Variants in HECTD4 observed in about 807,000 individuals in gnomAD.
HECTD4 encodes the protein probable E3 ubiquitin-protein ligase HECTD4.
Under a neutral mutation model 471.5 loss-of-function variants are expected in HECTD4, and 114 were observed. The observed-to-expected ratio is 0.24, with a 90% CI of 0.21 to 0.28. The LOEUF (loss-of-function observed/expected upper bound fraction) is 0.28, where lower values mean the gene tolerates loss of function less well. Among genes scored for constraint, HECTD4 ranks in the 10% least tolerant of loss-of-function variants. The pLI, the probability that HECTD4 is intolerant of heterozygous loss-of-function variation, is 1.00. For synonymous variants in HECTD4, 2,012 were observed against 2,256.0 expected (o/e 0.89, Z 3.07); for missense variants, 3,866 against 5,651.5 (o/e 0.68, Z 10.13).
At chr12:112,307,050 C>G (rs963031894) in intron 6 of HECTD4, among the ~76,000 whole-genome samples, 1 of 151,968 alleles carries the variant, frequency 6.6e-6, no homozygotes, top group Non-Finnish European at 1.5e-5. Context: ...ACCACAAAAA[C>G]CTGCTGGCTA....
chr12:112,370,654 A>C (rs548163049), intron 1 of HECTD4, among the ~76,000 whole-genome samples: 1 of 152,344 alleles, frequency 6.6e-6, no homozygotes, highest in East Asian at 1.9e-4. Context: ...ATACACGAAA[A>C]AATTTTCACT....
chr12:112,243,866 C>T lies in HECTD4; in HGVS notation c.4649+8G>A, dbSNP rs1437251507. 1 of 1,613,304 alleles carries T rather than the reference C, an allele frequency of 6.2e-7. No homozygotes were observed. The highest frequency in any genetic ancestry group is 8.5e-7 in the Non-Finnish European group (1 of 1,179,334). ...GTGGGAACCCAACCCCGGCCATTAG[C>T]CATTTACCTCTGATTTGCTCTAGTA... On this transcript the variant is annotated splice_region_variant and intron_variant, in intron 30 of 75. Coordinates refer to ENST00000682272, the MANE Select transcript of HECTD4 (RefSeq NM_001388303.1). This position sits in a 1 kb window ranked among gnomAD's most constrained non-coding sequence, Gnocchi z 6.6.
rs1465850596 is a variant in HECTD4, at chr12:112,173,626, C to T, written c.11595-765G>A. On this transcript the variant is annotated intron_variant, in intron 66 of 75. Coordinates refer to ENST00000682272, the MANE Select transcript of HECTD4 (RefSeq NM_001388303.1). This position sits in a 1 kb window ranked among gnomAD's most constrained non-coding sequence, Gnocchi z 4.3. ...AGCCAGGATGGTCTCAATCTCCTGACCTTGTGATCCGCCCGCCTCAGCCTC... is the reference window on the plus strand; with the variant it reads ...AGCCAGGATGGTCTCAATCTCCTGATCTTGTGATCCGCCCGCCTCAGCCTC... 1.3e-5 allele frequency among the ~76,000 whole-genome samples: 2 copies of T among 151,860 alleles called. No homozygotes were observed. The highest frequency in any genetic ancestry group is 4.8e-5 in the African/African-American group (2 of 41,344).
intron 21 of HECTD4, among the ~76,000 whole-genome samples, chr12:112,255,889 T>C (rs906037325): frequency 6.6e-6 from 1 of 152,144 alleles, no homozygotes; most frequent in African/African-American, 2.4e-5. Context: ...CTAGCACCTC[T>C]GAAACCCTTC....
At position 112,194,517 on chromosome 12, in the gene HECTD4, A is replaced by G. The variant is rs781728492; in HGVS notation, c.8749+368T>C. On this transcript the variant is annotated intron_variant, in intron 56 of 75. Transcript: ENST00000682272. This position sits in a 1 kb window ranked among gnomAD's most constrained non-coding sequence, Gnocchi z 4.6. The stretch of plus-strand genomic sequence containing the variant: ...CCTCAGCAGAACTTATGATGAACCA[A>G]ATAGGTCTGCTTTGGAGGACGCTGA... Among the ~76,000 whole-genome samples, 48 of 152,182 alleles carry G rather than the reference A, an allele frequency of 3.2e-4. No homozygotes were observed. The highest frequency in any genetic ancestry group is 5.9e-4 in the Non-Finnish European group (40 of 68,024).
intron 9 of HECTD4, among the ~76,000 whole-genome samples, chr12:112,277,423 G>A (rs896557813): frequency 2.6e-5 from 4 of 152,094 alleles, no homozygotes; most frequent in Admixed American, 1.3e-4. Flanking sequence ...CCAGCAATGC[G>A]CAACTGATGG....
At chr12:112,371,886 C>CAAAAAAAAAA (rs535844706) in intron 1 of HECTD4, among the ~76,000 whole-genome samples, 2 of 57,250 alleles carry the variant, frequency 3.5e-5, no homozygotes, top group Admixed American at 2.0e-4. Context: ...AACTCTGTCT[C>CAAAAAAAAAA]AAAAAAAAAA....
chr12:112,304,490 A>G (rs1296946733), intron 7 of HECTD4, among the ~76,000 whole-genome samples: 1 of 152,022 alleles, frequency 6.6e-6, no homozygotes, highest in Non-Finnish European at 1.5e-5. Flanking sequence ...CTGACAGAGC[A>G]GGAGCACCGT....
rs2036891809 is a variant in HECTD4 at position 112,381,638 on chromosome 12, G to C, written c.177+314C>G. On this transcript the variant is annotated intron_variant, in intron 1 of 75. Coordinates refer to ENST00000682272, the MANE Select transcript of HECTD4 (RefSeq NM_001388303.1). The surrounding 1 kb of genome is among the most constrained non-coding windows in gnomAD (Gnocchi z 4.1). ...GGGGAGGGAGGGCCCGGGTGGTGGC[G>C]GTGGCTCCTCTGGGGCATGAAGGCC... Among the ~76,000 whole-genome samples the C allele has an allele frequency of 1.3e-5, 2 of 152,142 alleles. No homozygotes were observed. Among genetic ancestry groups the C allele is most frequent in the Non-Finnish European group, 2.9e-5 (2 of 68,024 alleles).
chr12:112,332,740 A>G (rs2035866012), intron 1 of HECTD4, among the ~76,000 whole-genome samples: 1 of 151,924 alleles, frequency 6.6e-6, no homozygotes, highest in Non-Finnish European at 1.5e-5. Context: ...CACCTAAAAT[A>G]TAATTCAATG....
chr12:112,367,820 CAAAAAAAAA>C (rs59590181), intron 1 of HECTD4, among the ~76,000 whole-genome samples: 31 of 12,574 alleles, frequency 2.5e-3, no homozygotes, highest in African/African-American at 5.6e-3. Flanking sequence ...GACTCCATCT[CAAAAAAAAA>C]AAAAAAAAAA....
chr12:112,335,500 G>A (rs2035938298), intron 1 of HECTD4, among the ~76,000 whole-genome samples: 1 of 152,120 alleles, frequency 6.6e-6, no homozygotes, highest in Non-Finnish European at 1.5e-5. Context: ...AGACCAGCCT[G>A]GCCAACATGG....
chr12:112,175,753 G>A lies in HECTD4; in HGVS notation c.11577C>T (p.Tyr3859=), dbSNP rs543069059. Residue 3859 remains tyrosine (Y), a synonymous_variant, in exon 66 of 76, where the codon TAC becomes TAT. Transcript: ENST00000682272. ...CCTCTTACCTCTCAAAGTGAAGATC[G>A]TAACCACAGGACAAGATCGCCCTCC... The part of the protein sequence containing the change: ...SVWRAILSCG[Y]DLHFERCACI... 174 of 1,612,470 alleles carry A rather than the reference G, an allele frequency of 1.1e-4. 1 individual carries two copies. The highest frequency in any genetic ancestry group is 7.7e-4 in the South Asian group (70 of 90,686).
intron 1 of HECTD4, among the ~76,000 whole-genome samples, chr12:112,323,951 T>C (rs549127892): frequency 2.8e-3 from 113 of 40,716 alleles, no homozygotes; most frequent in African/African-American, 0.024. Context: ...GAGGTGCTTC[T>C]TTCTTTCTTT....
At chr12:112,232,611 T>A (rs958320177) in intron 38 of HECTD4, among the ~76,000 whole-genome samples, 1 of 152,200 alleles carries the variant, frequency 6.6e-6, no homozygotes, top group Non-Finnish European at 1.5e-5. Context: ...TAATTATTTG[T>A]GAGCCTGGGT....
chr12:112,364,420 A>T (rs11066272), intron 1 of HECTD4, among the ~76,000 whole-genome samples: 78,928 of 151,070 alleles, frequency 0.52, 21,246 homozygotes, highest in Non-Finnish European at 0.58. Flanking sequence ...AAAAAAAAAA[A>T]AAATAAATAA....
chr12:112,370,121 G>A (rs1454409786), intron 1 of HECTD4, among the ~76,000 whole-genome samples: 1 of 152,120 alleles, frequency 6.6e-6, no homozygotes, highest in Non-Finnish European at 1.5e-5. Flanking sequence ...TGGGTCAGAG[G>A]AGAAGGCGAT....
intron 44 of HECTD4, among the ~76,000 whole-genome samples, chr12:112,222,113 G>A (rs929104822): frequency 7.9e-5 from 12 of 151,962 alleles, no homozygotes; most frequent in Admixed American, 4.6e-4. Context: ...TAGTAGAGAC[G>A]GGGTTTCACT....
intron 1 of HECTD4, among the ~76,000 whole-genome samples, chr12:112,348,906 CAG>C (rs758387349): frequency 8.6e-5 from 13 of 152,028 alleles, no homozygotes; most frequent in Non-Finnish European, 1.8e-4. Context: ...AAAATCTTAA[CAG>C]AGGAATTATG....
Sources: gnomAD v4.1 joint callset for allele counts (sites outside exome capture counted in the v4.1 genomes callset) on GRCh38, gnomAD v4.1.1 for gene constraint, Gnocchi (gnomAD v3.1) non-coding constraint, MANE v1.5 for transcripts, NCBI Gene and HGNC (gene_info 2026-07-23, HGNC 2026-07-21) for gene names.